HNMT: variants seen among roughly 807,000 people sequenced by gnomAD.
The protein encoded by HNMT is histamine N-methyltransferase.
A neutral mutation model predicts 32.1 loss-of-function variants in HNMT; 30 were observed. That is an observed-to-expected ratio of 0.93 (90% CI 0.70 to 1.27). The LOEUF (loss-of-function observed/expected upper bound fraction) is 1.27, where lower values mean the gene tolerates loss of function less well. HNMT is among the 50% of genes most tolerant of loss of function. The probability of loss-of-function intolerance (pLI) is 0.00; values close to 1 mark genes in which losing one functional copy is unlikely to be tolerated. For missense variants in HNMT, 327 were observed against 346.0 expected (o/e 0.95, Z 0.43); for synonymous variants, 125 against 119.0 (o/e 1.05, Z -0.33).
chr2:138,013,999 T>C lies in HNMT; in HGVS notation c.748T>C (p.Phe250Leu). The C allele has an allele frequency of 6.2e-7, 1 of 1,613,718 alleles. No homozygotes were observed. The highest frequency in any genetic ancestry group is 8.5e-7 in the Non-Finnish European group (1 of 1,179,784). Residue 250 changes from phenylalanine (F) to leucine (L), a missense_variant, in exon 6 of 6, where the codon TTT (phenylalanine) becomes CTT (leucine). Physicochemically the swap from Phe to Leu is conservative, Grantham distance 22. Transcript: ENST00000280097. Reference protein sequence around the residue: ...LWDFLTETCNFNATAPPDLRA... With the variant: ...LWDFLTETCNLNATAPPDLRA... Reference sequence around the variant, plus strand: ...GGATTTTTTGACTGAAACCTGCAACTTTAATGCCACAGCACCACCTGATCT... The same window carrying C: ...GGATTTTTTGACTGAAACCTGCAACCTTAATGCCACAGCACCACCTGATCT...
intron 2 of HNMT, chr2:137,981,326 T>C (rs202025849): frequency 9.5e-5 from 153 of 1,613,332 alleles, no homozygotes; most frequent in Non-Finnish European, 1.2e-4. Context: ...TGAGCGCTCT[T>C]CTGAGTTGCC....
chr2:137,989,173 C>T (rs77150787), intron 2 of HNMT, among the ~76,000 whole-genome samples: 1 of 152,136 alleles, frequency 6.6e-6, no homozygotes, highest in African/African-American at 2.4e-5. Context: ...ATGTATCCAC[C>T]ATTACAGTAT....
At chr2:137,976,545 G>A (rs1680295707) in intron 2 of HNMT, among the ~76,000 whole-genome samples, 1 of 152,124 alleles carries the variant, frequency 6.6e-6, no homozygotes, top group African/African-American at 2.4e-5. Context: ...TATTGAGGAA[G>A]CGGTATTCTA....
At chr2:137,970,378 T>C (rs1203087387) in intron 2 of HNMT, among the ~76,000 whole-genome samples, 161 bp downstream of exon 2, 1 of 152,150 alleles carries the variant, frequency 6.6e-6, no homozygotes, top group Non-Finnish European at 1.5e-5. Flanking sequence ...AATGCCCCCA[T>C]AGATTTACAG....
At chr2:138,000,262 T>A (rs1681120443) in intron 2 of HNMT, among the ~76,000 whole-genome samples, 2 of 152,116 alleles carry the variant, frequency 1.3e-5, no homozygotes, top group African/African-American at 4.8e-5. Flanking sequence ...TCATGAGTGA[T>A]CTTCCCCCAT....
intron 2 of HNMT, among the ~76,000 whole-genome samples, chr2:137,970,927 AAAAAAAAAAGAAAGAAAGAAAG>A (rs2104926140): frequency 1.7e-5 from 1 of 57,176 alleles, no homozygotes; most frequent in Non-Finnish European, 4.3e-5. Flanking sequence ...CTCAAAAAAA[AAAAAAAAAAGAAAGAAAGAAAG>A]AAAGAAAGAA....
intron 2 of HNMT, among the ~76,000 whole-genome samples, chr2:137,997,984 C>T (rs1474707279): frequency 6.6e-6 from 1 of 151,936 alleles, no homozygotes; most frequent in East Asian, 1.9e-4. Flanking sequence ...CACATGGACA[C>T]AGAGCGGGGA....
chr2:137,967,764 A>G (rs1225432943), intron 1 of HNMT: 1 of 152,124 alleles, frequency 6.6e-6, no homozygotes, highest in Non-Finnish European at 1.5e-5. Flanking sequence ...CAGCCCATGT[A>G]TTAACTTTTT....
chr2:138,013,759 G>A lies in HNMT; in HGVS notation c.524-16G>A. On this transcript the variant is annotated splice_polypyrimidine_tract_variant and intron_variant, in intron 5 of 5. Coordinates refer to ENST00000280097, the MANE Select transcript of HNMT (RefSeq NM_006895.3). ...GAAAGAATAAATGAAAGCATGACTTGTGTTTTATTGCACAGGAAGCAGTGG... is the reference window on the plus strand; with the variant it reads ...GAAAGAATAAATGAAAGCATGACTTATGTTTTATTGCACAGGAAGCAGTGG... 1 of 1,591,824 alleles carries A rather than the reference G, an allele frequency of 6.3e-7. No individual in the cohort carries two copies. Among genetic ancestry groups the A allele is most frequent in the Non-Finnish European group, 8.6e-7 (1 of 1,162,612 alleles).
chr2:137,965,987 C>T (rs1326033200), intron 1 of HNMT, among the ~76,000 whole-genome samples: 1 of 152,146 alleles, frequency 6.6e-6, no homozygotes, highest in Non-Finnish European at 1.5e-5. Context: ...TGTCTTATAA[C>T]AGTAGTATAT....
At chr2:137,971,384 T>C (rs1011001347) in intron 2 of HNMT, among the ~76,000 whole-genome samples, 1 of 152,180 alleles carries the variant, frequency 6.6e-6, no homozygotes, top group Non-Finnish European at 1.5e-5. Flanking sequence ...TTCACCATCT[T>C]GTCCAGGCTG....
intron 2 of HNMT, among the ~76,000 whole-genome samples, chr2:137,994,096 G>A (rs1680909723): frequency 6.6e-6 from 1 of 152,162 alleles, no homozygotes; most frequent in African/African-American, 2.4e-5. Context: ...ATGACACTAT[G>A]AAGAAACTGC....
intron 3 of HNMT, among the ~76,000 whole-genome samples, 198 bp from the exon 4 acceptor site, chr2:138,001,862 CTCTT>C (rs1391166258): frequency 1.3e-5 from 2 of 152,188 alleles, no homozygotes; most frequent in Non-Finnish European, 2.9e-5. Flanking sequence ...TTCTTCCTGA[CTCTT>C]TCTTTCACCT....
chr2:138,015,686 CA>C lies in HNMT; in HGVS notation c.*1559del, dbSNP rs1275543177. On this transcript the variant is annotated 3_prime_UTR_variant, in exon 6 of 6. Coordinates refer to ENST00000280097, the MANE Select transcript of HNMT (RefSeq NM_006895.3). ...TAATCATACTGATATGTACTACTGACAAAGGAAATCTGTGAGGCACACATGA... is the reference window on the plus strand; with the variant it reads ...TAATCATACTGATATGTACTACTGACAAGGAAATCTGTGAGGCACACATGA... 1 of 152,062 alleles carries C rather than the reference CA, an allele frequency of 6.6e-6. No homozygotes were observed. The highest frequency in any genetic ancestry group is 2.4e-5 in the African/African-American group (1 of 41,400). 9.4% of individuals were successfully genotyped at this position (152,062 alleles called of 1,614,324 possible).
At chr2:138,001,759 T>G (rs1681180489) in intron 3 of HNMT, among the ~76,000 whole-genome samples, 3 of 152,094 alleles carry the variant, frequency 2.0e-5, no homozygotes, top group Admixed American at 2.0e-4. Context: ...CATATCTGTT[T>G]CCAATTCACT....
intron 2 of HNMT, among the ~76,000 whole-genome samples, chr2:137,979,068 A>G (rs1680399546): frequency 1.4e-5 from 2 of 144,562 alleles, no homozygotes; most frequent in South Asian, 4.2e-4. Context: ...TATATAGCAT[A>G]GTTCATATAT....
rs919854416 is a variant in HNMT, at chr2:138,014,204, A to C, written c.*74A>C. ...ATCACTCATTTATTTCCATATTAAAATCACAAACTCATCCATTAATGTAGA... is the reference window on the plus strand; with the variant it reads ...ATCACTCATTTATTTCCATATTAAACTCACAAACTCATCCATTAATGTAGA... On this transcript the variant is annotated 3_prime_UTR_variant, in exon 6 of 6. Coordinates refer to ENST00000280097, the MANE Select transcript of HNMT (RefSeq NM_006895.3). 2.1e-6 allele frequency: 2 copies of C among 953,510 alleles called. No individual in the cohort carries two copies. The highest frequency in any genetic ancestry group is 3.3e-5 in the African/African-American group (2 of 60,238). The allele number at this position is 953,510 out of a possible 1,614,324, so 59.1% of individuals were successfully genotyped here.
At position 138,015,003 on chromosome 2, in the gene HNMT, C is replaced by A. The variant is rs1040096228; in HGVS notation, c.*873C>A. The A allele has an allele frequency of 2.0e-5, 3 of 151,812 alleles. No homozygotes were observed. Among genetic ancestry groups the A allele is most frequent in the Non-Finnish European group, 4.4e-5 (3 of 67,958 alleles). The allele number at this position is 151,812 out of a possible 1,614,324, so 9.4% of individuals were successfully genotyped here. ...AAGAACAAAGAAACACAAAACTAAACCTGTTCTAGCTTAAAATGCAGCTTT... is the reference window on the plus strand; with the variant it reads ...AAGAACAAAGAAACACAAAACTAAAACTGTTCTAGCTTAAAATGCAGCTTT... On this transcript the variant is annotated 3_prime_UTR_variant, in exon 6 of 6. Transcript: ENST00000280097.
intron 1 of HNMT, among the ~76,000 whole-genome samples, chr2:137,969,095 T>C (rs1680046201): frequency 6.6e-6 from 1 of 152,308 alleles, no homozygotes; most frequent in East Asian, 1.9e-4. Context: ...GATGGAGATT[T>C]TTCCTTTTTT....
Sources: gnomAD v4.1 joint callset for allele counts (sites outside exome capture counted in the v4.1 genomes callset) on GRCh38, gnomAD v4.1.1 for gene constraint, MANE v1.5 for transcripts, NCBI Gene and HGNC (gene_info 2026-07-23, HGNC 2026-07-21) for gene names.